The following DCC variants were observed in gnomAD, a reference collection of about 807,000 sequenced individuals.
DCC encodes the protein netrin receptor DCC.
Under a neutral mutation model 172.5 loss-of-function variants are expected in DCC, and 58 were observed. That is an observed-to-expected ratio of 0.34 (90% CI 0.27 to 0.42). The LOEUF is 0.42. DCC is among the 10% of genes least tolerant of loss of function. The pLI, the probability that DCC is intolerant of heterozygous loss-of-function variation, is 1.00. For missense variants in DCC, 1,740 were observed against 1,791.0 expected (o/e 0.97, Z 0.51); for synonymous variants, 709 against 644.5 (o/e 1.10, Z -1.52).
At chr18:52,731,027 T>C (rs1289763730) in intron 1 of DCC, among the ~76,000 whole-genome samples, 2 of 152,182 alleles carry the variant, frequency 1.3e-5, no homozygotes, top group Non-Finnish European at 2.9e-5. Flanking sequence ...TTAGTCTCCT[T>C]ATAATTTTCT....
chr18:52,728,582 A>T (rs966594206), intron 1 of DCC, among the ~76,000 whole-genome samples: 8 of 152,210 alleles, frequency 5.3e-5, no homozygotes, highest in African/African-American at 1.7e-4. Flanking sequence ...CTTTGTTAAG[A>T]TAGATGCATT....
intron 15 of DCC, among the ~76,000 whole-genome samples, chr18:53,352,220 C>G (rs1207891801): frequency 6.6e-6 from 1 of 152,028 alleles, no homozygotes; most frequent in Non-Finnish European, 1.5e-5. Flanking sequence ...TGATTAAATA[C>G]AAGTGATAGA....
chr18:52,773,822 C>A (rs1306701814), intron 2 of DCC, among the ~76,000 whole-genome samples: 1 of 150,512 alleles, frequency 6.6e-6, no homozygotes, highest in Non-Finnish European at 1.5e-5. Flanking sequence ...AGCCACTGTG[C>A]CCAGCCCATA....
intron 14 of DCC, among the ~76,000 whole-genome samples, chr18:53,322,920 G>GA (rs2057429363): frequency 6.6e-6 from 1 of 151,880 alleles, no homozygotes; most frequent in African/African-American, 2.4e-5. Flanking sequence ...GAGGTCCTTG[G>GA]AAAAGAAGTA....
chr18:52,589,270 A>G (rs1171279327), intron 1 of DCC, among the ~76,000 whole-genome samples: 1 of 152,236 alleles, frequency 6.6e-6, no homozygotes, highest in Non-Finnish European at 1.5e-5. Flanking sequence ...AATATAGTCT[A>G]CAGATACTTT....
intron 1 of DCC, among the ~76,000 whole-genome samples, chr18:52,621,661 A>G (rs1220479477): frequency 6.6e-6 from 1 of 152,204 alleles, no homozygotes; most frequent in Non-Finnish European, 1.5e-5. Flanking sequence ...TCACTGTAGC[A>G]CACAAGCTTA....
chr18:52,564,065 A>G (rs900765960), intron 1 of DCC, among the ~76,000 whole-genome samples: 13 of 152,174 alleles, frequency 8.5e-5, no homozygotes, highest in Admixed American at 7.9e-4. Context: ...AGTTCAAATT[A>G]TGGCACTCTT....
intron 1 of DCC, among the ~76,000 whole-genome samples, chr18:52,391,259 T>C (rs531057474): frequency 7.8e-4 from 118 of 152,236 alleles, no homozygotes; most frequent in African/African-American, 2.5e-3. Context: ...CTCTGCTTTG[T>C]AGCTCATGAA....
At chr18:52,627,346 TC>T (rs1486436968) in intron 1 of DCC, among the ~76,000 whole-genome samples, 9 of 152,174 alleles carry the variant, frequency 5.9e-5, no homozygotes, top group African/African-American at 1.9e-4. Context: ...AGTTGGGTGG[TC>T]AGTTAATACT....
chr18:52,779,666 T>C (rs565277067), intron 2 of DCC, among the ~76,000 whole-genome samples: 2 of 152,160 alleles, frequency 1.3e-5, no homozygotes, highest in Non-Finnish European at 2.9e-5. Flanking sequence ...TGGGTATATA[T>C]CCAGTAATGG....
At chr18:52,863,362 T>C (rs755512852) in intron 2 of DCC, among the ~76,000 whole-genome samples, 10 of 151,866 alleles carry the variant, frequency 6.6e-5, no homozygotes, top group Non-Finnish European at 1.0e-4. Context: ...TAATTTTAAC[T>C]GTCAGTCATG....
intron 22 of DCC, among the ~76,000 whole-genome samples, chr18:53,441,381 G>A (rs921914163): frequency 6.6e-6 from 1 of 151,930 alleles, no homozygotes; most frequent in Non-Finnish European, 1.5e-5. Context: ...CCTTTCCATG[G>A]ATCGGAATTC....
chr18:52,926,750 A>G (rs2040207850), intron 5 of DCC, among the ~76,000 whole-genome samples: 1 of 150,276 alleles, frequency 6.7e-6, no homozygotes, highest in Non-Finnish European at 1.5e-5. Flanking sequence ...ATATGCAAAT[A>G]CTGATTTCTG....
At chr18:53,290,514 C>T (rs1598988503) in intron 12 of DCC, among the ~76,000 whole-genome samples, 1 of 152,120 alleles carries the variant, frequency 6.6e-6, no homozygotes, top group African/African-American at 2.4e-5. Context: ...TTACATGGTA[C>T]ATCGTGTCTT....
intron 1 of DCC, among the ~76,000 whole-genome samples, chr18:52,381,964 G>A (rs1286222066): frequency 6.6e-6 from 1 of 152,028 alleles, no homozygotes; most frequent in Non-Finnish European, 1.5e-5. Flanking sequence ...TGTCTCCTTG[G>A]TCCATGCTTT....
At chr18:52,860,707 T>C (rs1027268182) in intron 2 of DCC, among the ~76,000 whole-genome samples, 6 of 152,222 alleles carry the variant, frequency 3.9e-5, no homozygotes, top group African/African-American at 7.2e-5. Context: ...TCTTTAAAAG[T>C]TGGCTTTGCT....
chr18:53,051,107 G>A (rs574614499), intron 5 of DCC, among the ~76,000 whole-genome samples: 2 of 152,152 alleles, frequency 1.3e-5, no homozygotes, highest in Admixed American at 1.3e-4. Context: ...GCGTGCGCCT[G>A]TAATCTCAGC....
At chr18:53,061,858 A>G (rs2042499718) in intron 5 of DCC, among the ~76,000 whole-genome samples, 2 of 152,162 alleles carry the variant, frequency 1.3e-5, no homozygotes, top group African/African-American at 4.8e-5. Context: ...TTAGGATAAT[A>G]AACTCTGCAT....
chr18:52,379,080 A>C (rs1444220372), intron 1 of DCC, among the ~76,000 whole-genome samples: 1 of 152,158 alleles, frequency 6.6e-6, no homozygotes, highest in East Asian at 1.9e-4. Flanking sequence ...AAAGCCATCA[A>C]ATATTGCGTA....
Sources: gnomAD v4.1 joint callset for allele counts (sites outside exome capture counted in the v4.1 genomes callset) on GRCh38, gnomAD v4.1.1 for gene constraint, MANE v1.5 for transcripts, NCBI Gene and HGNC (gene_info 2026-07-23, HGNC 2026-07-21) for gene names.